The following AK5 variants were observed in gnomAD, a reference collection of about 807,000 sequenced individuals.
AK5 encodes the protein adenylate kinase isoenzyme 5.
A neutral mutation model predicts 69.5 loss-of-function variants in AK5; 27 were observed. The ratio of observed to expected loss-of-function variants is 0.39; its 90% confidence interval spans 0.29 to 0.54. AK5 has a LOEUF of 0.54. Among genes scored for constraint, AK5 ranks in the 20% least tolerant of loss-of-function variants. AK5 has a pLI of 0.71. For synonymous variants in AK5, 260 were observed against 244.4 expected (o/e 1.06, Z -0.60); for missense variants, 531 against 700.4 (o/e 0.76, Z 2.73).
intron 6 of AK5, among the ~76,000 whole-genome samples, chr1:77,345,490 G>GA (rs1043250556): frequency 2.0e-5 from 3 of 152,144 alleles, no homozygotes; most frequent in East Asian, 1.9e-4. Flanking sequence ...TACTAGACCA[G>GA]AAAAAATATT....
chr1:77,286,533 A>G (rs1658361511), intron 1 of AK5, among the ~76,000 whole-genome samples: 1 of 152,016 alleles, frequency 6.6e-6, no homozygotes, highest in Non-Finnish European at 1.5e-5. Context: ...TTCAAAGATG[A>G]GCCATAATAC....
At chr1:77,393,479 C>T (rs1214034219) in intron 6 of AK5, among the ~76,000 whole-genome samples, 13 of 151,922 alleles carry the variant, frequency 8.6e-5, no homozygotes, top group African/African-American at 2.2e-4. Flanking sequence ...AAATGTAAAA[C>T]GGGATTTTTA....
At chr1:77,496,816 C>T (rs1656340275) in intron 10 of AK5, among the ~76,000 whole-genome samples, 1 of 152,108 alleles carries the variant, frequency 6.6e-6, no homozygotes, top group African/African-American at 2.4e-5. Flanking sequence ...AAAAATGCAC[C>T]AATCGGCATT....
At chr1:77,299,924 C>T (rs2100254377) in intron 5 of AK5, among the ~76,000 whole-genome samples, 1 of 152,280 alleles carries the variant, frequency 6.6e-6, no homozygotes, top group Non-Finnish European at 1.5e-5. Flanking sequence ...GAGTCCCTGG[C>T]TTTTCTGGTG....
At chr1:77,452,508 C>G (rs1377048163) in intron 8 of AK5, among the ~76,000 whole-genome samples, 1 of 152,150 alleles carries the variant, frequency 6.6e-6, no homozygotes, top group Non-Finnish European at 1.5e-5. Context: ...CCAATTTAGT[C>G]CCACATGACT....
chr1:77,326,281 A>G (rs975024027), intron 5 of AK5, among the ~76,000 whole-genome samples: 3 of 152,170 alleles, frequency 2.0e-5, no homozygotes, highest in African/African-American at 7.2e-5. Context: ...CTTTGGAGAC[A>G]GTCTTTGTGT....
chr1:77,546,831 C>T (rs1432737599), intron 13 of AK5, among the ~76,000 whole-genome samples: 3 of 152,162 alleles, frequency 2.0e-5, no homozygotes, highest in Non-Finnish European at 4.4e-5. Flanking sequence ...GAGCTCGGGC[C>T]TGGGAAGGCA....
At chr1:77,470,451 G>A (rs1654392516) in intron 8 of AK5, among the ~76,000 whole-genome samples, 1 of 152,164 alleles carries the variant, frequency 6.6e-6, no homozygotes, top group African/African-American at 2.4e-5. Flanking sequence ...GTTGCAGTAA[G>A]CTGAGATGAT....
At chr1:77,371,697 A>G (rs945982320) in intron 6 of AK5, among the ~76,000 whole-genome samples, 1 of 152,158 alleles carries the variant, frequency 6.6e-6, no homozygotes, top group African/African-American at 2.4e-5. Flanking sequence ...CTCCTCCTCT[A>G]CAGGTTATTA....
intron 1 of AK5, among the ~76,000 whole-genome samples, chr1:77,285,845 G>A (rs1658318535): frequency 6.6e-6 from 1 of 151,736 alleles, no homozygotes; most frequent in East Asian, 1.9e-4. Context: ...CTTGAGCTTT[G>A]AGGGATTTTT....
intron 10 of AK5, among the ~76,000 whole-genome samples, chr1:77,489,974 C>T (rs1369951077): frequency 6.6e-6 from 1 of 152,172 alleles, no homozygotes; most frequent in African/African-American, 2.4e-5. Context: ...GTTCTAGCTC[C>T]CTGAGAACTC....
chr1:77,429,827 A>G (rs1446042656), intron 8 of AK5, among the ~76,000 whole-genome samples: 1 of 152,184 alleles, frequency 6.6e-6, no homozygotes, highest in East Asian at 1.9e-4. Flanking sequence ...GAGAACAGGA[A>G]AGAACTGGGG....
chr1:77,535,949 A>G lies in AK5; in HGVS notation c.1531A>G (p.Thr511Ala), dbSNP rs367716253. The change falls in exon 13 of 14, where the codon ACC becomes GCC. Residue 511 changes from threonine to alanine, a missense_variant. Thr to Ala is a moderately conservative substitution (Grantham distance 58, BLOSUM62 0). Coordinates refer to ENST00000354567, the MANE Select transcript of AK5 (RefSeq NM_174858.3). Reference sequence around the variant, plus strand: ...GAGCAGCCTGCCTGTGGACGACACCACCAAGACCATCGCCAAGCGCCTAGA... The same window carrying G: ...GAGCAGCCTGCCTGTGGACGACACCGCCAAGACCATCGCCAAGCGCCTAGA... ...SRSSLPVDDT[T>A]KTIAKRLEAY... 7.9e-5 allele frequency: 128 copies of G among 1,613,852 alleles called. 1 individual carries two copies. Among genetic ancestry groups the G allele is most frequent in the Middle Eastern group, 4.9e-4 (3 of 6,084 alleles).
intron 8 of AK5, among the ~76,000 whole-genome samples, chr1:77,429,420 A>T (rs956288537): frequency 5.9e-5 from 9 of 152,174 alleles, no homozygotes; most frequent in African/African-American, 1.2e-4. Context: ...GTGTCTGTTC[A>T]TATCCTTTGC....
At chr1:77,349,037 C>T (rs1662057786) in intron 6 of AK5, among the ~76,000 whole-genome samples, 1 of 151,574 alleles carries the variant, frequency 6.6e-6, no homozygotes, top group South Asian at 2.1e-4. Flanking sequence ...TTAAATGTCC[C>T]CCCTCCAAAA....
intron 5 of AK5, among the ~76,000 whole-genome samples, chr1:77,307,231 T>C (rs1659690421): frequency 1.3e-5 from 2 of 151,690 alleles, no homozygotes; most frequent in Admixed American, 1.3e-4. Context: ...TGTAGGCACT[T>C]ATAGCTATAA....
intron 13 of AK5, among the ~76,000 whole-genome samples, chr1:77,557,925 T>C (rs915262021): frequency 1.4e-5 from 2 of 143,232 alleles, no homozygotes; most frequent in African/African-American, 5.1e-5. Context: ...TCATCGATCA[T>C]TGATCTTTTT....
At chr1:77,539,379 A>G (rs924672432) in intron 13 of AK5, among the ~76,000 whole-genome samples, 3 of 152,136 alleles carry the variant, frequency 2.0e-5, no homozygotes, top group African/African-American at 4.8e-5. Flanking sequence ...CTGCACAAAT[A>G]TGTAAAACCT....
At chr1:77,374,718 G>C (rs1260842143) in intron 6 of AK5, among the ~76,000 whole-genome samples, 2 of 151,608 alleles carry the variant, frequency 1.3e-5, no homozygotes, top group East Asian at 3.9e-4. Context: ...CTACTCAGGA[G>C]ACCAAGGCAG....
Sources: allele counts gnomAD v4.1 joint callset (sites outside exome capture counted in the v4.1 genomes callset), GRCh38; gene constraint gnomAD v4.1.1; transcripts MANE v1.5; gene names NCBI Gene and HGNC (gene_info 2026-07-23, HGNC 2026-07-21).